Variants in EIF3A observed in about 807,000 individuals in gnomAD.
The protein encoded by EIF3A is EIF3, p180 subunit.
EIF3A carries 21 observed loss-of-function variants against 186.6 expected under a neutral mutation model. The ratio of observed to expected loss-of-function variants is 0.11; its 90% confidence interval spans 0.08 to 0.16. The LOEUF is 0.16. Among genes scored for constraint, EIF3A ranks in the 10% least tolerant of loss-of-function variants. The pLI, the probability that EIF3A is intolerant of heterozygous loss-of-function variation, is 1.00. For missense variants in EIF3A, 1,306 were observed against 1,796.3 expected (o/e 0.73, Z 4.93); for synonymous variants, 563 against 584.3 (o/e 0.96, Z 0.52).
intron 8 of EIF3A, 137 bp downstream of exon 8, chr10:119,061,087 A>G: frequency 1.7e-6 from 1 of 574,860 alleles, no homozygotes; most frequent in South Asian, 2.6e-5. Context: ...CTTGAAATAA[A>G]GAAAAAAGAC....
At chr10:119,076,757 G>A (rs1162905732) in intron 1 of EIF3A, among the ~76,000 whole-genome samples, 1 of 151,978 alleles carries the variant, frequency 6.6e-6, no homozygotes, top group Non-Finnish European at 1.5e-5. Flanking sequence ...GCAACATGGT[G>A]AAACCTTGTC....
At chr10:119,075,621 A>AAGGG (rs5788327) in intron 1 of EIF3A, among the ~76,000 whole-genome samples, 6 of 111,738 alleles carry the variant, frequency 5.4e-5, no homozygotes, top group East Asian at 2.7e-4. Flanking sequence ...AAAAAAAAAA[A>AAGGG]GGGGGGGAGC....
Position 119,037,101 on chromosome 10 carries a change from TG to T in EIF3A, c.3919+17del, listed in dbSNP as rs1848142497. On this transcript the variant is annotated intron_variant, in intron 21 of 21. Coordinates refer to ENST00000369144, the MANE Select transcript of EIF3A (RefSeq NM_003750.4). ...AACGACAGTTCTCCAATACTTCAGT[TG>T]TATGTAACCTCTATACCTTCTTCAC... 1 of 1,004,966 alleles carries T rather than the reference TG, an allele frequency of 1.0e-6. No homozygotes were observed. 62.3% of individuals were successfully genotyped at this position (1,004,966 alleles called of 1,614,324 possible).
intron 17 of EIF3A, among the ~76,000 whole-genome samples, chr10:119,049,212 C>T (rs1848322457): frequency 6.6e-6 from 1 of 152,176 alleles, no homozygotes; most frequent in East Asian, 1.9e-4. Context: ...GTAATCCCAG[C>T]ACTTTGGGAG....
At chr10:119,067,850 G>A (rs555041127) in intron 6 of EIF3A, among the ~76,000 whole-genome samples, 3 of 151,540 alleles carry the variant, frequency 2.0e-5, no homozygotes, top group Admixed American at 6.6e-5. Flanking sequence ...TTGCTCTATC[G>A]TCCAGGCTGG....
chr10:119,072,043 A>G (rs1192099603), intron 4 of EIF3A, among the ~76,000 whole-genome samples: 10 of 131,638 alleles, frequency 7.6e-5, no homozygotes, highest in African/African-American at 3.1e-4. Context: ...AAAAAAAAAA[A>G]AAAGAAAGAA....
chr10:119,075,599 AAACAC>A lies in EIF3A; in HGVS notation c.50-1667_50-1663del, dbSNP rs1589697660. Among the ~76,000 whole-genome samples, 4 of 81,456 alleles carry A rather than the reference AAACAC, an allele frequency of 4.9e-5. No homozygotes were observed. In the East Asian group the frequency reaches 1.6e-3, roughly 33 times the overall value. The allele number at this position is 81,456 out of a possible 152,430, so 53.4% of individuals were successfully genotyped here. On this transcript the variant is annotated intron_variant, in intron 1 of 21. Coordinates refer to ENST00000369144, the MANE Select transcript of EIF3A (RefSeq NM_003750.4). The stretch of plus-strand genomic sequence containing the variant: ...TTTAAAAAATAATTTGGGGGAACTA[AAACAC>A]TACACTAAAAAAAAAAAGGGGGGGA...
At chr10:119,073,101 T>C in intron 3 of EIF3A, 48 bp from the exon 4 acceptor site, 1 of 1,544,028 alleles carries the variant, frequency 6.5e-7, no homozygotes, top group Non-Finnish European at 8.7e-7. Context: ...TTTCCTACTT[T>C]GCCATGTGAT....
At chr10:119,057,128 C>T (rs1843795093) in intron 12 of EIF3A, 88 bp from the exon 13 acceptor site, 3 of 729,538 alleles carry the variant, frequency 4.1e-6, no homozygotes, top group Non-Finnish European at 4.6e-6. Flanking sequence ...TAAAATCCTA[C>T]ATTGCTTTTA....
chr10:119,065,934 G>A (rs1254119186), intron 6 of EIF3A, among the ~76,000 whole-genome samples: 1 of 151,662 alleles, frequency 6.6e-6, no homozygotes, highest in East Asian at 2.0e-4. Flanking sequence ...GGCTAACACG[G>A]TGAAACCCCA....
chr10:119,050,124 A>G, intron 16 of EIF3A, 139 bp from the exon 17 acceptor site: 5 of 834,410 alleles, frequency 6.0e-6, no homozygotes, highest in Non-Finnish European at 7.5e-6. Context: ...CAGCTACAGG[A>G]CAGAACATAG....
At position 119,042,704 on chromosome 10, in the gene EIF3A, C is replaced by A. The variant is rs186145626; in HGVS notation, c.2816G>T (p.Arg939Leu). The change falls in exon 19 of 22, where the codon CGT becomes CTT. Residue 939 changes from arginine to leucine, a missense_variant. By Grantham distance (102) the Arg-to-Leu change is moderately radical (BLOSUM62 -2). Around this residue, in one of 8 missense-constraint regions of EIF3A, gnomAD observed 410 missense variants for 473.5 expected, o/e 0.87. Coordinates refer to ENST00000369144, the MANE Select transcript of EIF3A (RefSeq NM_003750.4). The surrounding 1 kb of genome is among the most constrained non-coding windows in gnomAD (Gnocchi z 7.8). ...SHRRDEERPRRLGDDEDREPS... is the reference protein window; with the variant it reads ...SHRRDEERPRLLGDDEDREPS... Reference sequence around the variant, plus strand: ...CTCTCTATCTTCATCATCCCCCAGACGCCGGGGCCGCTCTTCATCTCTTCT... The same window carrying A: ...CTCTCTATCTTCATCATCCCCCAGAAGCCGGGGCCGCTCTTCATCTCTTCT... 7 of 1,614,020 alleles carry A rather than the reference C, an allele frequency of 4.3e-6. No homozygotes were observed. In the South Asian group the frequency reaches 5.5e-5, roughly 13 times the overall value.
intron 4 of EIF3A, 77 bp from the exon 5 acceptor site, chr10:119,071,162 A>G: frequency 9.7e-7 from 1 of 1,031,784 alleles, no homozygotes; most frequent in Middle Eastern, 2.1e-4. Context: ...TATTTCACAC[A>G]TTAAGATCAG....
At position 119,042,565 on chromosome 10, in the gene EIF3A, GTCA is replaced by G; in HGVS notation, c.2952_2954del (p.Asp985del). 6.2e-7 allele frequency: 1 copy of G among 1,614,100 alleles called. No individual in the cohort carries two copies. The highest frequency in any genetic ancestry group is 8.5e-7 in the Non-Finnish European group (1 of 1,180,030). ...CATCTGTGTTACGCCAGGAAGGCCG[GTCA>G]TCGTCTGCCCCACGACGAGAGAACC... is the stretch of plus-strand genomic sequence containing the variant. On this transcript the variant is annotated inframe_deletion, in exon 19 of 22. Transcript: ENST00000369144. The surrounding 1 kb of genome is among the most constrained non-coding windows in gnomAD (Gnocchi z 7.8).
intron 1 of EIF3A, among the ~76,000 whole-genome samples, chr10:119,075,953 C>T (rs1173208759): frequency 1.6e-5 from 2 of 128,984 alleles, no homozygotes; most frequent in Non-Finnish European, 1.6e-5. Context: ...GTCTCAATCT[C>T]CTGACCTCGT....
intron 14 of EIF3A, among the ~76,000 whole-genome samples, chr10:119,052,316 C>G (rs1449672215): frequency 2.7e-5 from 4 of 148,156 alleles, no homozygotes. Context: ...CAAGCTTTAT[C>G]ATGAGATTGC....
In EIF3A at chr10:119,034,104, T is replaced by G. The variant is rs1453683079; in HGVS notation, c.*1935A>C. 1 of 167,168 alleles carries G rather than the reference T, an allele frequency of 6.0e-6. No individual in the cohort carries two copies. Among genetic ancestry groups the G allele is most frequent in the African/African-American group, 2.4e-5 (1 of 41,474 alleles). 10.4% of individuals were successfully genotyped at this position (167,168 alleles called of 1,614,324 possible). A position where few individuals can be genotyped will look rare whatever the true frequency, so the allele number is the denominator to read the frequency against. The stretch of plus-strand genomic sequence containing the variant: ...CCTAGCAGATCGGTGAGTAGGCTGC[T>G]TGTTCAGCTTTCCTTTAACACCTGT... On this transcript the variant is annotated 3_prime_UTR_variant, in exon 22 of 22. Coordinates refer to ENST00000369144, the MANE Select transcript of EIF3A (RefSeq NM_003750.4).
chr10:119,069,201 C>CT (rs1055627386), intron 6 of EIF3A, among the ~76,000 whole-genome samples: 1 of 38,514 alleles, frequency 2.6e-5, no homozygotes, highest in African/African-American at 3.3e-5. Flanking sequence ...AGGGCAATGT[C>CT]TTGAGACGTC....
intron 1 of EIF3A, among the ~76,000 whole-genome samples, chr10:119,075,450 T>C (rs1275108086): frequency 6.8e-6 from 1 of 147,544 alleles, no homozygotes; most frequent in African/African-American, 2.4e-5. Flanking sequence ...TCATCTTTTA[T>C]TTTCTTTTGT....
Sources: gnomAD v4.1 joint callset for allele counts (sites outside exome capture counted in the v4.1 genomes callset) on GRCh38, gnomAD v4.1.1 for gene constraint, gnomAD v4.1.1 regional missense constraint, Gnocchi (gnomAD v3.1) non-coding constraint, MANE v1.5 for transcripts, NCBI Gene and HGNC (gene_info 2026-07-23, HGNC 2026-07-21) for gene names.